The following UBE4B variants were observed in gnomAD, a reference collection of about 807,000 sequenced individuals.
UBE4B encodes the protein ubiquitination factor E4B.
A neutral mutation model predicts 148.1 loss-of-function variants in UBE4B; 27 were observed. The ratio of observed to expected loss-of-function variants is 0.18; its 90% CI spans 0.13 to 0.25. The LOEUF (loss-of-function observed/expected upper bound fraction) is 0.25. Ranked by LOEUF, UBE4B falls within the 10% of genes least tolerant of loss-of-function variation. UBE4B has a pLI of 1.00. For synonymous variants in UBE4B, 596 were observed against 619.3 expected (o/e 0.96, Z 0.56); for missense variants, 1,170 against 1,662.4 (o/e 0.70, Z 5.15).
At chr1:10,178,036 G>A (rs193190148) in intron 25 of UBE4B, among the ~76,000 whole-genome samples, 7 of 152,154 alleles carry the variant, frequency 4.6e-5, no homozygotes, top group Admixed American at 2.6e-4. Flanking sequence ...GACATAAATC[G>A]TGTCTGTTCC....
At chr1:10,114,064 CAA>C (rs34811287) in intron 7 of UBE4B, among the ~76,000 whole-genome samples, 3 of 44,494 alleles carry the variant, frequency 6.7e-5, no homozygotes, top group African/African-American at 8.6e-5. Context: ...GACTCCGTCT[CAA>C]AAAAAAAAAA....
At position 10,130,772 on chromosome 1, in the gene UBE4B, G is replaced by A; in HGVS notation, c.1870G>A (p.Val624Met). Residue 624 changes from valine (V) to methionine (M), a missense_variant, in exon 14 of 28, where the codon GTG becomes ATG. By Grantham distance (21) the Val-to-Met change is conservative (BLOSUM62 1). Coordinates refer to ENST00000343090, the MANE Select transcript of UBE4B (RefSeq NM_001105562.3). ...GPAITLENTR[V>M]VSQSLQHYLE... ...TGCCATTACCCTGGAAAACACTCGTGTGGTTAGCCAATCATTGCAGCATTA... is the reference window on the plus strand; with the variant it reads ...TGCCATTACCCTGGAAAACACTCGTATGGTTAGCCAATCATTGCAGCATTA... 6 of 1,614,140 alleles carry A rather than the reference G, an allele frequency of 3.7e-6. No individual in the cohort carries two copies. The highest frequency in any genetic ancestry group is 1.6e-4 in the Middle Eastern group (1 of 6,062).
In UBE4B at chr1:10,147,045, T is replaced by G. The variant is rs1645884646; in HGVS notation, c.2546T>G (p.Leu849Arg). 1 of 1,614,172 alleles carries G rather than the reference T, an allele frequency of 6.2e-7. No individual in the cohort carries two copies. The change falls in exon 19 of 28, where the codon CTT (leucine) becomes CGT (arginine). Residue 849 changes from leucine (L) to arginine (R), a missense_variant. Physicochemically the swap from Leu to Arg is moderately radical, Grantham distance 102. This residue lies in a region of UBE4B where 348 missense variants were observed against 627.2 expected (regional missense o/e 0.55). Transcript: ENST00000343090. ...AGAAGATGTCTGAATTTTTATGGCC[T>G]TCTCATTCAGCTGCTGCTCCGCATC... ...FLRRCLNFYGLLIQLLLRILD... is the reference protein window; with the variant it reads ...FLRRCLNFYGRLIQLLLRILD...
At position 10,042,431 on chromosome 1, in the gene UBE4B, G is replaced by A. The variant is rs561717962; in HGVS notation, c.24+8737G>A. On this transcript the variant is annotated intron_variant, in intron 1 of 27. Transcript: ENST00000343090. ...TGGGATGCTGAGGCGGGTGGATCAC[G>A]AGGTCAGGAGTTCGAGACCAGCCTG... 2.6e-5 allele frequency among the ~76,000 whole-genome samples: 4 copies of A among 151,252 alleles called. No homozygotes were observed. In the East Asian group the frequency reaches 7.8e-4, roughly 30 times the overall value.
At position 10,042,961 on chromosome 1, in the gene UBE4B, T is replaced by C. The variant is rs143875819; in HGVS notation, c.24+9267T>C. Reference sequence around the variant, plus strand: ...AAGGATGCCAAGCATGGTTAGAGCCTTCTGTGCAAGGGGCACAGTGGCAGG... The same window carrying C: ...AAGGATGCCAAGCATGGTTAGAGCCCTCTGTGCAAGGGGCACAGTGGCAGG... On this transcript the variant is annotated intron_variant, in intron 1 of 27. Coordinates refer to ENST00000343090, the MANE Select transcript of UBE4B (RefSeq NM_001105562.3). Among the ~76,000 whole-genome samples, 54 of 151,752 alleles carry C rather than the reference T, an allele frequency of 3.6e-4. No homozygotes were observed. The East Asian group carries it at 9.9e-3, about 28-fold the overall frequency.
chr1:10,171,394 G>A, intron 25 of UBE4B, 65 bp downstream of exon 25: 1 of 1,559,284 alleles, frequency 6.4e-7, no homozygotes, highest in Non-Finnish European at 8.8e-7. Context: ...AACCACAGTG[G>A]CCAGGGAACT....
Position 10,106,623 on chromosome 1 carries a change from G to C in UBE4B, c.1196+40G>C, listed in dbSNP as rs185265971. 3.6e-3 allele frequency: 5,412 copies of C among 1,492,048 alleles called. 15 individuals are homozygous for C. The highest frequency in any genetic ancestry group is 4.3e-3 in the Non-Finnish European group (4,849 of 1,129,354). The allele number at this position is 1,492,048 out of a possible 1,614,324, so 92.4% of individuals were successfully genotyped here. ...GGAGAGTTGCATGTGTGTTTGCGGT[G>C]CAGGGAAAGGAGATTAACACGGTTT... On this transcript the variant is annotated intron_variant, in intron 7 of 27. Transcript: ENST00000343090. This position sits in a 1 kb window ranked among gnomAD's most constrained non-coding sequence, Gnocchi z 4.2.
At chr1:10,044,846 G>C (rs147093440) in intron 1 of UBE4B, among the ~76,000 whole-genome samples, 5 of 152,262 alleles carry the variant, frequency 3.3e-5, no homozygotes, top group African/African-American at 1.2e-4. Flanking sequence ...GCCTCTCAAA[G>C]TGCTGGGATT....
rs760809804 is a variant in UBE4B, at chr1:10,101,167, G to A, written c.407G>A (p.Arg136Gln). The change falls in exon 4 of 28, where the codon CGA (arginine) becomes CAA (glutamine). Residue 136 changes from arginine (R) to glutamine (Q), a missense_variant. By Grantham distance (43) the Arg-to-Gln change is conservative (BLOSUM62 1). Transcript: ENST00000343090. ...AACATGGAGGTTGATGAAAATGATC[G>A]AAGAGAAAAGCGGAGCCTCAGTGAT... ...IENMEVDEND[R>Q]REKRSLSDKE... 10 of 1,614,026 alleles carry A rather than the reference G, an allele frequency of 6.2e-6. No homozygotes were observed. Among genetic ancestry groups the A allele is most frequent in the African/African-American group, 1.3e-5 (1 of 74,934 alleles).
chr1:10,097,020 CAG>C (rs1244759865), intron 3 of UBE4B, among the ~76,000 whole-genome samples: 1 of 144,578 alleles, frequency 6.9e-6, no homozygotes, highest in Non-Finnish European at 1.5e-5. Context: ...GCCTGGGTGA[CAG>C]AGTAAGACTC....
intron 1 of UBE4B, chr1:10,054,536 T>A (rs1444670925): frequency 3.0e-6 from 1 of 334,312 alleles, no homozygotes; most frequent in East Asian, 7.0e-5. Context: ...TCTCTTTGGC[T>A]TTCTTCTTTT....
At chr1:10,119,748 T>A in intron 9 of UBE4B, 135 bp downstream of exon 9, 1 of 630,402 alleles carries the variant, frequency 1.6e-6, no homozygotes, top group Non-Finnish European at 2.7e-6. Context: ...GTCCCTTTCC[T>A]TCGCTAAAAT....
chr1:10,137,921 C>CTTTTTT (rs70998351), intron 17 of UBE4B, among the ~76,000 whole-genome samples: 30 of 67,038 alleles, frequency 4.5e-4, no homozygotes, highest in African/African-American at 1.0e-3. Flanking sequence ...CTTACTAATT[C>CTTTTTT]TTTTTTTTTT....
chr1:10,070,480 A>G (rs1644465745), intron 1 of UBE4B, among the ~76,000 whole-genome samples: 1 of 151,498 alleles, frequency 6.6e-6, no homozygotes, highest in Non-Finnish European at 1.5e-5. Flanking sequence ...GATCCCTAGA[A>G]TCTCACTCCT....
At position 10,106,794 on chromosome 1, in the gene UBE4B, C is replaced by T. The variant is rs1645120492; in HGVS notation, c.1196+211C>T. On this transcript the variant is annotated intron_variant, in intron 7 of 27. Coordinates refer to ENST00000343090, the MANE Select transcript of UBE4B (RefSeq NM_001105562.3). The surrounding 1 kb of genome is among the most constrained non-coding windows in gnomAD (Gnocchi z 4.2). Reference sequence around the variant, plus strand: ...GCTGGAAAGTTTGGGTTGCTCTATTCTATTGTGAATCCCTTTCTTCCCTTT... The same window carrying T: ...GCTGGAAAGTTTGGGTTGCTCTATTTTATTGTGAATCCCTTTCTTCCCTTT... Among the ~76,000 whole-genome samples, 1 of 152,148 alleles carries T rather than the reference C, an allele frequency of 6.6e-6. No individual in the cohort carries two copies. Among genetic ancestry groups the T allele is most frequent in the African/African-American group, 2.4e-5 (1 of 41,444 alleles).
At chr1:10,124,402 G>A (rs1057505406) in intron 10 of UBE4B, among the ~76,000 whole-genome samples, 9 of 152,068 alleles carry the variant, frequency 5.9e-5, no homozygotes, top group African/African-American at 2.2e-4. Context: ...CCTCAAGGCT[G>A]GTCTTGAACT....
chr1:10,072,665 T>G (rs1238220592), intron 2 of UBE4B: 1 of 572,390 alleles, frequency 1.7e-6, no homozygotes, highest in East Asian at 2.9e-5. Context: ...TAAAACTACC[T>G]GATAGGATGT....
Position 10,179,877 on chromosome 1 carries a change from C to CT in UBE4B, c.3848-11dup. 4 of 1,613,344 alleles carry CT rather than the reference C, an allele frequency of 2.5e-6. No homozygotes were observed. Among genetic ancestry groups the CT allele is most frequent in the Non-Finnish European group, 3.4e-6 (4 of 1,179,968 alleles). ...CCTCCCATCTGGGGCATTAATCCTC[C>CT]TTTTTTTCTTTTCTCAGTGCCAGAA... On this transcript the variant is annotated splice_polypyrimidine_tract_variant and intron_variant, in intron 27 of 27. Transcript: ENST00000343090.
intron 7 of UBE4B, among the ~76,000 whole-genome samples, chr1:10,114,955 G>C (rs775600067): frequency 3.9e-5 from 6 of 152,110 alleles, no homozygotes; most frequent in Non-Finnish European, 8.8e-5. Flanking sequence ...CGAGGGCTTT[G>C]TAGGTGGCTT....
Sources: gnomAD v4.1 joint callset for allele counts (sites outside exome capture counted in the v4.1 genomes callset) on GRCh38, gnomAD v4.1.1 for gene constraint, gnomAD v4.1.1 regional missense constraint, Gnocchi (gnomAD v3.1) non-coding constraint, MANE v1.5 for transcripts, NCBI Gene and HGNC (gene_info 2026-07-23, HGNC 2026-07-21) for gene names.